Variants in UGT2A2 observed in about 807,000 individuals in gnomAD.
The protein encoded by UGT2A2 is UDP glucuronosyltransferase family 2 member A2, also known as UDP-glucuronosyltransferase 2A2.
In UGT2A2, 60 loss-of-function variants were observed where a neutral mutation model predicts 50.7. The ratio of observed to expected loss-of-function variants is 1.18; its 90% confidence interval spans 0.96 to 1.47. The LOEUF (loss-of-function observed/expected upper bound fraction) is 1.47. UGT2A2 is among the 40% of genes most tolerant of loss of function. The pLI is 0.00. For synonymous variants in UGT2A2, 242 were observed against 214.6 expected (o/e 1.13, Z -1.11); for missense variants, 762 against 634.0 (o/e 1.20, Z -2.17).
intron 1 of UGT2A2, among the ~76,000 whole-genome samples, chr4:69,638,169 A>G (rs1241311186): frequency 6.6e-6 from 1 of 152,170 alleles, no homozygotes; most frequent in Admixed American, 6.5e-5. Context: ...AATTCCTGCT[A>G]TTGATTAGTG....
At chr4:69,633,984 G>C (rs1721529217) in intron 1 of UGT2A2, among the ~76,000 whole-genome samples, 1 of 152,100 alleles carries the variant, frequency 6.6e-6, no homozygotes, top group African/African-American at 2.4e-5. Context: ...GGTGGCTCAC[G>C]CCTGTAATCT....
chr4:69,633,835 T>C (rs904793036), intron 1 of UGT2A2, among the ~76,000 whole-genome samples: 1 of 152,108 alleles, frequency 6.6e-6, no homozygotes, highest in African/African-American at 2.4e-5. Flanking sequence ...GAGTTATGGA[T>C]TGCATTCATG....
chr4:69,639,405 T>G lies in UGT2A2; in HGVS notation c.236A>C (p.Asn79Thr). The change falls in exon 1 of 6, where the codon AAT becomes ACT. Residue 79 changes from asparagine to threonine, a missense_variant. Asn to Thr is a moderately conservative substitution (Grantham distance 65). Coordinates refer to ENST00000604629, the MANE Select transcript of UGT2A2 (RefSeq NM_001105677.2). ...GTAGGAAACAGGTATCACTTCAAAA[T>G]TCACAGGAGAATCGGGATTGGAGTT... The part of the protein sequence containing the change: ...FINSNPDSPV[N>T]FEVIPVSYKK... 6.2e-7 allele frequency: 1 copy of G among 1,613,456 alleles called. No individual in the cohort carries two copies. The highest frequency in any genetic ancestry group is 8.5e-7 in the Non-Finnish European group (1 of 1,179,642).
At chr4:69,610,298 C>T (rs1021361756) in intron 1 of UGT2A2, among the ~76,000 whole-genome samples, 1 of 152,000 alleles carries the variant, frequency 6.6e-6, no homozygotes, top group Non-Finnish European at 1.5e-5. Context: ...GTATGAAGCA[C>T]CCTAAAATTG....
chr4:69,609,122 A>G (rs1719870399), intron 1 of UGT2A2, among the ~76,000 whole-genome samples: 1 of 151,680 alleles, frequency 6.6e-6, no homozygotes, highest in Non-Finnish European at 1.5e-5. Flanking sequence ...TGCAATATAT[A>G]AAACTGGCTC....
At chr4:69,607,394 C>T (rs1472149307) in intron 1 of UGT2A2, among the ~76,000 whole-genome samples, 1 of 151,786 alleles carries the variant, frequency 6.6e-6, no homozygotes, top group Non-Finnish European at 1.5e-5. Flanking sequence ...GGATCCCTTC[C>T]TTACACCTTA....
intron 2 of UGT2A2, among the ~76,000 whole-genome samples, chr4:69,598,091 T>C (rs1441006658): frequency 1.3e-5 from 2 of 152,168 alleles, no homozygotes; most frequent in African/African-American, 4.8e-5. Context: ...TGAATATTTC[T>C]GTGTCTTTAT....
At chr4:69,595,336 A>T (rs1017582911) in intron 3 of UGT2A2, 87 bp from the exon 4 acceptor site, 5 of 1,484,082 alleles carry the variant, frequency 3.4e-6, no homozygotes, top group Admixed American at 1.9e-5. Context: ...TCATTTAGCC[A>T]GCTACTTGGA....
At chr4:69,606,923 A>G (rs1374934842) in intron 1 of UGT2A2, among the ~76,000 whole-genome samples, 1 of 136,698 alleles carries the variant, frequency 7.3e-6, no homozygotes, top group Non-Finnish European at 1.6e-5. Context: ...AAAAGAGGAT[A>G]CAAACAAATG....
intron 1 of UGT2A2, among the ~76,000 whole-genome samples, chr4:69,624,041 A>G (rs1487659009): frequency 6.6e-6 from 1 of 151,430 alleles, no homozygotes; most frequent in Non-Finnish European, 1.5e-5. Context: ...TTCCTCATTT[A>G]TTTTCTGTGT....
At chr4:69,617,256 G>T (rs912670960) in intron 1 of UGT2A2, among the ~76,000 whole-genome samples, 5 of 151,832 alleles carry the variant, frequency 3.3e-5, no homozygotes, top group African/African-American at 1.2e-4. Flanking sequence ...TTTTCTTCAA[G>T]CAGTTTATCA....
At chr4:69,594,744 A>G (rs1467961653) in intron 4 of UGT2A2, 48 bp from the exon 5 acceptor site, 2 of 1,571,358 alleles carry the variant, frequency 1.3e-6, no homozygotes, top group Admixed American at 1.9e-5. Context: ...ATAACACATT[A>G]GCAGAATTTG....
intron 1 of UGT2A2, among the ~76,000 whole-genome samples, chr4:69,628,167 G>T (rs1394650956): frequency 6.6e-6 from 1 of 151,712 alleles, no homozygotes; most frequent in African/African-American, 2.4e-5. Context: ...TTGTCTCAGG[G>T]CATCAAAATG....
At chr4:69,637,531 A>G (rs972700884) in intron 1 of UGT2A2, among the ~76,000 whole-genome samples, 3 of 152,090 alleles carry the variant, frequency 2.0e-5, no homozygotes, top group Non-Finnish European at 4.4e-5. Flanking sequence ...CTTTTCCTCC[A>G]GGGATCTTAT....
chr4:69,624,971 T>C (rs561977463), intron 1 of UGT2A2, among the ~76,000 whole-genome samples: 3 of 151,118 alleles, frequency 2.0e-5, no homozygotes, highest in South Asian at 2.1e-4. Context: ...TGGTGGTCTA[T>C]AGAAGATTAA....
intron 1 of UGT2A2, among the ~76,000 whole-genome samples, chr4:69,608,527 C>T (rs1276748335): frequency 4.6e-5 from 7 of 151,156 alleles, no homozygotes; most frequent in Non-Finnish European, 1.0e-4. Flanking sequence ...AACTAACCTG[C>T]ACGTTGTGTA....
At chr4:69,590,665 GTGTC>G (rs1201804623) in intron 5 of UGT2A2, among the ~76,000 whole-genome samples, 5 of 149,640 alleles carry the variant, frequency 3.3e-5, no homozygotes, top group Non-Finnish European at 5.9e-5. Flanking sequence ...GTGTGTTTGT[GTGTC>G]TGTCTGTCTA....
intron 1 of UGT2A2, among the ~76,000 whole-genome samples, chr4:69,619,963 T>C (rs1442321975): frequency 6.6e-6 from 1 of 151,914 alleles, no homozygotes; most frequent in Non-Finnish European, 1.5e-5. Context: ...CTCAATAAAC[T>C]AAGCATTGAA....
chr4:69,614,465 T>C (rs1484636057), intron 1 of UGT2A2, among the ~76,000 whole-genome samples: 2 of 151,586 alleles, frequency 1.3e-5, no homozygotes, highest in African/African-American at 4.8e-5. Context: ...TTAAAAAATA[T>C]ATATATATCT....
Sources: allele counts gnomAD v4.1 joint callset (sites outside exome capture counted in the v4.1 genomes callset), GRCh38; gene constraint gnomAD v4.1.1; transcripts MANE v1.5; gene names NCBI Gene and HGNC (gene_info 2026-07-23, HGNC 2026-07-21).